Variants in CHM observed in about 807,000 individuals in gnomAD.
The protein encoded by CHM is CHM Rab escort protein.
In CHM, 10 loss-of-function variants were observed where a neutral mutation model predicts 49.0. That is an observed-to-expected ratio of 0.20 (90% CI 0.13 to 0.35). The LOEUF (loss-of-function observed/expected upper bound fraction) is 0.35. Among genes scored for constraint, CHM ranks in the 10% least tolerant of loss-of-function variants. The probability of loss-of-function intolerance (pLI) is 1.00; values close to 1 mark genes in which losing one functional copy is unlikely to be tolerated. For missense variants in CHM, 455 were observed against 478.4 expected (o/e 0.95, Z 0.46); for synonymous variants, 184 against 167.5 (o/e 1.10, Z -0.76).
At chrX:85,979,248 C>G (rs1259458399) in intron 3 of CHM, among the ~76,000 whole-genome samples, 4 of 111,594 alleles carry the variant, frequency 3.6e-5, no homozygotes, top group Non-Finnish European at 5.7e-5. Context: ...ATATACATTA[C>G]TTATTAATAA....
chrX:85,882,485 T>A (rs1217229236), intron 12 of CHM, among the ~76,000 whole-genome samples: 1 of 110,984 alleles, frequency 9.0e-6, no homozygotes, highest in Non-Finnish European at 1.9e-5. Flanking sequence ...AAAAAAAAAA[T>A]TAATATCTTT....
intron 2 of CHM, among the ~76,000 whole-genome samples, chrX:85,993,256 A>C (rs1249559553): frequency 9.0e-6 from 1 of 110,947 alleles, no homozygotes; most frequent in African/African-American, 3.3e-5. Context: ...CACACCCCCA[A>C]TTTGGTCATC....
At chrX:85,986,379 G>T (rs1262091230) in intron 2 of CHM, among the ~76,000 whole-genome samples, 1 of 111,729 alleles carries the variant, frequency 9.0e-6, no homozygotes, top group Non-Finnish European at 1.9e-5. Flanking sequence ...CCAAGCTATG[G>T]TCTACAGCCA....
intron 1 of CHM, among the ~76,000 whole-genome samples, chrX:86,045,315 A>C (rs1297353578): frequency 8.9e-6 from 1 of 112,202 alleles, no homozygotes; most frequent in Non-Finnish European, 1.9e-5. Flanking sequence ...AAGCACACTA[A>C]AAAATAAATC....
intron 2 of CHM, among the ~76,000 whole-genome samples, chrX:86,008,333 C>G: frequency 9.0e-6 from 1 of 110,616 alleles, no homozygotes; most frequent in Non-Finnish European, 1.9e-5. Flanking sequence ...GGGCAGCACA[C>G]CAACATGGCA....
chrX:85,948,913 T>C lies in CHM; in HGVS notation c.1166+7240A>G, dbSNP rs749187213. Among the ~76,000 whole-genome samples the C allele has an allele frequency of 9.8e-5, 11 of 111,879 alleles. No individual in the cohort carries two copies. The South Asian group carries it at 2.2e-3, about 23-fold the overall frequency. ...ATATAAAACTAAAAGTTAATATCTG[T>C]AGGTCAAGGAAATGCATGTTTATTA... On this transcript the variant is annotated intron_variant, in intron 8 of 14. Transcript: ENST00000357749.
chrX:86,027,184 G>A, intron 2 of CHM: 1 of 288,115 alleles, frequency 3.5e-6, no homozygotes, highest in Non-Finnish European at 6.2e-6. Flanking sequence ...AAAGGGGCAG[G>A]CATGAGGTTT....
chrX:85,950,007 A>ATATATATATATATATC (rs1929653898), intron 8 of CHM, among the ~76,000 whole-genome samples: 3 of 81,936 alleles, frequency 3.7e-5, no homozygotes, highest in Non-Finnish European at 7.1e-5. Context: ...ATATATATAT[A>ATATATATATATATATC]TATCTTGTAA....
intron 8 of CHM, among the ~76,000 whole-genome samples, chrX:85,933,840 A>G (rs1004782111): frequency 7.1e-5 from 8 of 112,306 alleles, no homozygotes; most frequent in African/African-American, 2.6e-4. Context: ...ACACGTGTGT[A>G]TCTGCATGGC....
At chrX:85,971,208 T>C (rs780948471) in intron 4 of CHM, 46 of 753,694 alleles carry the variant, frequency 6.1e-5, no homozygotes, top group Admixed American at 1.7e-4. Context: ...ATTTGAATTC[T>C]CGCCTAGTCC....
chrX:86,005,983 T>A (rs994885080), intron 2 of CHM, among the ~76,000 whole-genome samples: 2 of 111,342 alleles, frequency 1.8e-5, no homozygotes, highest in East Asian at 5.6e-4. Context: ...TAAACCAATA[T>A]CCCTGATGAA....
chrX:85,874,215 A>C (rs1381569503), intron 13 of CHM, among the ~76,000 whole-genome samples: 1 of 111,979 alleles, frequency 8.9e-6, no homozygotes, highest in Non-Finnish European at 1.9e-5. Context: ...TTTCTTGCTA[A>C]TTTGATAATC....
intron 2 of CHM, among the ~76,000 whole-genome samples, chrX:86,003,562 C>G (rs991830416): frequency 1.8e-5 from 2 of 111,845 alleles, no homozygotes; most frequent in African/African-American, 6.5e-5. Flanking sequence ...TAGAGAAGAC[C>G]TTAAATGACC....
intron 1 of CHM, among the ~76,000 whole-genome samples, chrX:86,034,592 C>T (rs1178134585): frequency 9.0e-6 from 1 of 110,937 alleles, no homozygotes; most frequent in East Asian, 2.8e-4. Flanking sequence ...ACTAGCCTGG[C>T]CAACATAGTG....
intron 8 of CHM, among the ~76,000 whole-genome samples, chrX:85,950,213 C>G (rs1042036053): frequency 9.5e-6 from 1 of 105,800 alleles, no homozygotes; most frequent in Non-Finnish European, 1.9e-5. Flanking sequence ...ATTGCACACA[C>G]ACACACACAC....
At chrX:85,996,107 G>A (rs1450419840) in intron 2 of CHM, among the ~76,000 whole-genome samples, 2 of 111,817 alleles carry the variant, frequency 1.8e-5, no homozygotes, top group Non-Finnish European at 3.8e-5. Context: ...TTTGGTAGAA[G>A]AGAAAGAGCC....
At chrX:85,890,060 G>A (rs994964605) in intron 12 of CHM, among the ~76,000 whole-genome samples, 1 of 111,216 alleles carries the variant, frequency 9.0e-6, no homozygotes, top group Non-Finnish European at 1.9e-5. Flanking sequence ...GGGAGGAAGG[G>A]AGGAAATGGC....
At chrX:86,018,170 T>C (rs773315141) in intron 2 of CHM, among the ~76,000 whole-genome samples, 1 of 112,139 alleles carries the variant, frequency 8.9e-6, no homozygotes, top group Non-Finnish European at 1.9e-5. Context: ...TTAGAAGGCA[T>C]AAAGAACTCA....
intron 8 of CHM, among the ~76,000 whole-genome samples, chrX:85,913,692 A>G (rs968900775): frequency 1.8e-5 from 2 of 111,356 alleles, no homozygotes; most frequent in Non-Finnish European, 3.8e-5. Context: ...TATGGCACCA[A>G]TAGGAAAGTA....
Sources: gnomAD v4.1 joint callset for allele counts (sites outside exome capture counted in the v4.1 genomes callset) on GRCh38, gnomAD v4.1.1 for gene constraint, MANE v1.5 for transcripts, NCBI Gene and HGNC (gene_info 2026-07-23, HGNC 2026-07-21) for gene names.